The following TBC1D31 variants were observed in gnomAD, a reference collection of about 807,000 sequenced individuals.
The protein encoded by TBC1D31 is TBC1 domain family member 31.
In TBC1D31, 99 loss-of-function variants were observed where a neutral mutation model predicts 132.9. The ratio of observed to expected loss-of-function variants is 0.74; its 90% CI spans 0.63 to 0.88. TBC1D31 has a LOEUF of 0.88. Among genes scored for constraint, TBC1D31 ranks in the 40% least tolerant of loss-of-function variants. TBC1D31 has a pLI of 0.00. For missense variants in TBC1D31, 1,134 were observed against 1,256.6 expected (o/e 0.90, Z 1.48); for synonymous variants, 385 against 419.4 (o/e 0.92, Z 1.00).
rs1324540491 is a variant in TBC1D31 at position 123,151,410 on chromosome 8, T to C, written c.3068-396T>C. On this transcript the variant is annotated intron_variant, in intron 21 of 21. Coordinates refer to ENST00000287380, the MANE Select transcript of TBC1D31 (RefSeq NM_145647.4). Reference sequence around the variant, plus strand: ...AAAAAGCATTTGATTTACTTATTTTTATTTATTTATTGGAAAGGTAATCAT... The same window carrying C: ...AAAAAGCATTTGATTTACTTATTTTCATTTATTTATTGGAAAGGTAATCAT... Among the ~76,000 whole-genome samples, 4 of 152,358 alleles carry C rather than the reference T, an allele frequency of 2.6e-5. No individual in the cohort carries two copies. The East Asian group carries it at 5.8e-4, about 22-fold the overall frequency.
At chr8:123,081,289 T>C (rs991047798) in intron 2 of TBC1D31, among the ~76,000 whole-genome samples, 3 of 152,170 alleles carry the variant, frequency 2.0e-5, no homozygotes, top group African/African-American at 7.2e-5. Context: ...TTTTCGATAA[T>C]CACATCACCA....
intron 4 of TBC1D31, 45 bp from the exon 5 acceptor site, chr8:123,093,546 T>G: frequency 7.1e-7 from 1 of 1,399,396 alleles, no homozygotes; most frequent in South Asian, 1.5e-5. Flanking sequence ...TTAAAGTCTC[T>G]ATGTGAACCT....
At chr8:123,163,271 C>T in the TBC1D31 span, among the ~76,000 whole-genome samples, 1 of 151,344 alleles carries the variant, frequency 6.6e-6, no homozygotes, top group Non-Finnish European at 1.5e-5. Flanking sequence ...CCATATAATT[C>T]ACCTATTTTA....
At chr8:123,163,100 C>T in the TBC1D31 span, among the ~76,000 whole-genome samples, 1 of 152,158 alleles carries the variant, frequency 6.6e-6, no homozygotes, top group Admixed American at 6.5e-5. Context: ...GTTGGGACTA[C>T]AGGTGTGAGC....
At chr8:123,151,311 G>A (rs1370495842) in intron 21 of TBC1D31, among the ~76,000 whole-genome samples, 5 of 152,162 alleles carry the variant, frequency 3.3e-5, no homozygotes, top group South Asian at 4.1e-4. Context: ...CTCTAAATCA[G>A]TAACGCTCTT....
intron 3 of TBC1D31, 109 bp from the exon 4 acceptor site, chr8:123,084,053 T>C (rs554316691): frequency 2.2e-6 from 2 of 911,398 alleles, no homozygotes; most frequent in East Asian, 2.4e-5. Context: ...AGGTGCCTCA[T>C]ATAATACCTA....
At chr8:123,155,527 C>G (rs998846233), downstream of TBC1D31, among the ~76,000 whole-genome samples, 1 of 152,120 alleles carries the variant, frequency 6.6e-6, no homozygotes, top group Non-Finnish European at 1.5e-5. This position sits in a 1 kb window ranked among gnomAD's most constrained non-coding sequence, Gnocchi z 4.1. Flanking sequence ...AGGCAGCCTA[C>G]TAAAATGTTG....
Position 123,134,092 on chromosome 8 carries a change from A to G in TBC1D31, c.2407-22A>G, listed in dbSNP as rs1466135226. 3 of 1,562,140 alleles carry G rather than the reference A, an allele frequency of 1.9e-6. No homozygotes were observed. The South Asian group carries it at 3.5e-5, about 18-fold the overall frequency. On this transcript the variant is annotated intron_variant, in intron 16 of 21. Coordinates refer to ENST00000287380, the MANE Select transcript of TBC1D31 (RefSeq NM_145647.4). The stretch of plus-strand genomic sequence containing the variant: ...ATTTTGTAAATTCTTTTTGGTATTT[A>G]CAGTTTGTTGTTTGGCCATAGGTAT...
chr8:123,158,504 G>A, the TBC1D31 span, among the ~76,000 whole-genome samples: 1 of 152,154 alleles, frequency 6.6e-6, no homozygotes, highest in African/African-American at 2.4e-5. Flanking sequence ...ACAGACCGAC[G>A]GAAGGACAGG....
chr8:123,128,377 A>G lies in TBC1D31; in HGVS notation c.1981A>G (p.Ser661Gly), dbSNP rs759918405. 6.2e-6 allele frequency: 10 copies of G among 1,607,314 alleles called. No homozygotes were observed. The East Asian group carries it at 1.6e-4, about 25-fold the overall frequency. ...ETTPTDIHPD[S>G]MLNVFVALTK... Reference sequence around the variant, plus strand: ...CACGCCTACTGACATTCATCCAGACAGCATGCTTAATGTTTTTGTTGCACT... The same window carrying G: ...CACGCCTACTGACATTCATCCAGACGGCATGCTTAATGTTTTTGTTGCACT... Residue 661 changes from serine to glycine, a missense_variant, in exon 14 of 22, where the codon AGC (serine) becomes GGC (glycine). By Grantham distance (56) the Ser-to-Gly change is moderately conservative (BLOSUM62 0). Transcript: ENST00000287380.
chr8:123,074,322 C>G (rs957305511), intron 1 of TBC1D31, among the ~76,000 whole-genome samples: 2 of 152,144 alleles, frequency 1.3e-5, no homozygotes, highest in Non-Finnish European at 2.9e-5. Flanking sequence ...GCCTGGCCGA[C>G]AAATCAGTTT....
intron 4 of TBC1D31, among the ~76,000 whole-genome samples, chr8:123,089,931 A>T (rs951496787): frequency 6.6e-6 from 1 of 152,230 alleles, no homozygotes; most frequent in African/African-American, 2.4e-5. Flanking sequence ...ATGTTATAGA[A>T]TATACATCAT....
At chr8:123,144,191 T>G (rs191635368) in intron 19 of TBC1D31, among the ~76,000 whole-genome samples, 1 of 152,344 alleles carries the variant, frequency 6.6e-6, no homozygotes. Context: ...GATTTTAAAT[T>G]TATTTTAGTT....
Position 123,097,359 on chromosome 8 carries a change from G to C in TBC1D31, c.749G>C (p.Arg250Thr), listed in dbSNP as rs1212252138. The change falls in exon 6 of 22, where the codon AGA becomes ACA. Residue 250 changes from arginine (R) to threonine (T), a missense_variant. By Grantham distance (71) the Arg-to-Thr change is moderately conservative. Coordinates refer to ENST00000287380, the MANE Select transcript of TBC1D31 (RefSeq NM_145647.4). ...LWCLEARQLFRIIQMPTKVRA... is the reference protein window; with the variant it reads ...LWCLEARQLFTIIQMPTKVRA... ...TGCTTGGAAGCTAGGCAGCTCTTTAGAATTATCCAGATGCCCACTAAAGTT... is the reference window on the plus strand; with the variant it reads ...TGCTTGGAAGCTAGGCAGCTCTTTACAATTATCCAGATGCCCACTAAAGTT... 3 of 1,614,008 alleles carry C rather than the reference G, an allele frequency of 1.9e-6. No homozygotes were observed. The African/African-American group carries it at 4.0e-5, about 22-fold the overall frequency.
intron 10 of TBC1D31, among the ~76,000 whole-genome samples, chr8:123,114,140 T>C (rs1350601683): frequency 2.0e-5 from 3 of 152,196 alleles, no homozygotes; most frequent in Non-Finnish European, 1.5e-5. Context: ...ATTTGCTTTA[T>C]AATAGTCTAG....
At chr8:123,075,696 C>G (rs2130598716) in intron 1 of TBC1D31, among the ~76,000 whole-genome samples, 1 of 151,066 alleles carries the variant, frequency 6.6e-6, no homozygotes, top group South Asian at 2.1e-4. Context: ...GAGCGAGACT[C>G]CATCTCAAAA....
intron 8 of TBC1D31, 140 bp from the exon 9 acceptor site, chr8:123,109,177 G>C (rs1818230644): frequency 3.2e-6 from 2 of 621,968 alleles, no homozygotes; most frequent in African/African-American, 3.7e-5. Context: ...GGGGAGTGGG[G>C]AAAAGACCTA....
At chr8:123,152,692 G>A (rs1175680830), downstream of TBC1D31, among the ~76,000 whole-genome samples, 1 of 152,150 alleles carries the variant, frequency 6.6e-6, no homozygotes, top group Admixed American at 6.5e-5. Context: ...CCAACATGGT[G>A]AAACCCTTTC....
intron 17 of TBC1D31, among the ~76,000 whole-genome samples, 186 bp from the exon 18 acceptor site, chr8:123,140,575 G>A (rs752194166): frequency 6.6e-6 from 1 of 152,072 alleles, no homozygotes; most frequent in Non-Finnish European, 1.5e-5. Flanking sequence ...TGCTTTTATG[G>A]ATGAGAGGAT....
Sources: gnomAD v4.1 joint callset for allele counts (sites outside exome capture counted in the v4.1 genomes callset) on GRCh38, gnomAD v4.1.1 for gene constraint, Gnocchi (gnomAD v3.1) non-coding constraint, MANE v1.5 for transcripts, NCBI Gene and HGNC (gene_info 2026-07-23, HGNC 2026-07-21) for gene names.